Variants in ADAMTS2 observed in about 807,000 individuals in gnomAD.
ADAMTS2 encodes the protein A disintegrin and metalloproteinase with thrombospondin motifs 2.
In ADAMTS2, 50 loss-of-function variants were observed where a neutral mutation model predicts 123.0. The observed-to-expected ratio is 0.41, with a 90% CI of 0.32 to 0.51. The LOEUF (loss-of-function observed/expected upper bound fraction) is 0.51. Ranked by LOEUF, ADAMTS2 falls within the 20% of genes least tolerant of loss-of-function variation. The probability of loss-of-function intolerance (pLI) is 0.35; values close to 1 mark genes in which losing one functional copy is unlikely to be tolerated. For synonymous variants in ADAMTS2, 678 were observed against 695.4 expected (o/e 0.98, Z 0.39); for missense variants, 1,494 against 1,705.2 (o/e 0.88, Z 2.18).
At chr5:179,343,652 G>A in intron 2 of ADAMTS2, 115 bp downstream of exon 2, 1 of 1,388,884 alleles carries the variant, frequency 7.2e-7, no homozygotes, top group Non-Finnish European at 9.8e-7. Flanking sequence ...GCACGGGAAG[G>A]GCGCGGAAAG....
In ADAMTS2 at chr5:179,207,735, T is replaced by G. The variant is rs1210526561; in HGVS notation, c.689-20A>C. On this transcript the variant is annotated intron_variant, in intron 3 of 21. Transcript: ENST00000251582. ...AGGCCCCTGCAAGGAGAGGACACCG[T>G]CTTCAGCGGCAGGGCAAACCCACCC... 6.2e-7 allele frequency: 1 copy of G among 1,606,664 alleles called. No homozygotes were observed. The highest frequency in any genetic ancestry group is 2.2e-5 in the East Asian group (1 of 44,860).
rs1011419172 is a variant in ADAMTS2 at position 179,128,070 on chromosome 5, T to G, written c.2506A>C (p.Ile836Leu). 1.5e-5 allele frequency: 25 copies of G among 1,613,984 alleles called. No homozygotes were observed. Among genetic ancestry groups the G allele is most frequent in the Non-Finnish European group, 2.0e-5 (24 of 1,180,018 alleles). ...TRVSLTYKYM[I>L]HEDSLNVDDN... Reference sequence around the variant, plus strand: ...TCGACATTCAGTGAGTCCTCATGGATCATGTATTTGTACGTCAGTGAGACC... The same window carrying G: ...TCGACATTCAGTGAGTCCTCATGGAGCATGTATTTGTACGTCAGTGAGACC... Residue 836 changes from isoleucine (I) to leucine (L), a missense_variant, in exon 17 of 22, where the codon ATC becomes CTC. Physicochemically the swap from Ile to Leu is conservative, Grantham distance 5 (BLOSUM62 2). Transcript: ENST00000251582. The surrounding 1 kb of genome is among the most constrained non-coding windows in gnomAD (Gnocchi z 4.9).
At chr5:179,328,539 G>C (rs746530826) in intron 2 of ADAMTS2, among the ~76,000 whole-genome samples, 2 of 152,240 alleles carry the variant, frequency 1.3e-5, no homozygotes, top group Non-Finnish European at 2.9e-5. Flanking sequence ...TGGGTATCAA[G>C]TGGTTCGTGG....
chr5:179,152,397 A>ATTCT (rs1396392787), intron 9 of ADAMTS2, 142 bp from the exon 10 acceptor site: 13 of 820,898 alleles, frequency 1.6e-5, no homozygotes, highest in Non-Finnish European at 2.4e-5. Context: ...GGGTGTTGTG[A>ATTCT]TTCTGGGGTG....
chr5:179,325,275 T>A (rs1378342020), intron 2 of ADAMTS2, among the ~76,000 whole-genome samples: 10 of 152,140 alleles, frequency 6.6e-5, no homozygotes, highest in African/African-American at 2.2e-4. Context: ...GCCTGTGCTT[T>A]ACCCTCAAAG....
intron 2 of ADAMTS2, among the ~76,000 whole-genome samples, chr5:179,295,871 G>C (rs1756315671): frequency 6.6e-6 from 1 of 152,226 alleles, no homozygotes; most frequent in Non-Finnish European, 1.5e-5. Context: ...ACCACTAGTG[G>C]GGCCTGTGCT....
In ADAMTS2 at chr5:179,202,616, C is replaced by A. The variant is rs1330713080; in HGVS notation, c.891+4897G>T. The stretch of plus-strand genomic sequence containing the variant: ...ACATATAATAGACGCCCCATAAACA[C>A]CGGCCCCCGTATGAACGGCAGCCAG... On this transcript the variant is annotated intron_variant, in intron 4 of 21. Transcript: ENST00000251582. The surrounding 1 kb of genome is among the most constrained non-coding windows in gnomAD (Gnocchi z 4.0). Among the ~76,000 whole-genome samples, 3 of 152,158 alleles carry A rather than the reference C, an allele frequency of 2.0e-5. No individual in the cohort carries two copies. Among genetic ancestry groups the A allele is most frequent in the African/African-American group, 7.2e-5 (3 of 41,438 alleles).
At chr5:179,276,863 C>A (rs1252798940) in intron 2 of ADAMTS2, among the ~76,000 whole-genome samples, 1 of 152,156 alleles carries the variant, frequency 6.6e-6, no homozygotes, top group Non-Finnish European at 1.5e-5. Context: ...GGCCTGAGGC[C>A]CTGGGGTTAT....
At chr5:179,329,752 G>T (rs563120837) in intron 2 of ADAMTS2, among the ~76,000 whole-genome samples, 2 of 152,316 alleles carry the variant, frequency 1.3e-5, no homozygotes, top group East Asian at 3.9e-4. Context: ...CAAGCTAGCA[G>T]AGGGTTAATG....
Position 179,345,198 on chromosome 5 carries a change from TCGGCGGCGGCGG to T in ADAMTS2, c.119_130del (p.Ala40_Ala43del). On this transcript the variant is annotated inframe_deletion, in exon 1 of 22. Coordinates refer to ENST00000251582, the MANE Select transcript of ADAMTS2 (RefSeq NM_014244.5). The surrounding 1 kb of genome is among the most constrained non-coding windows in gnomAD (Gnocchi z 7.5). ...GGCCGGGCCGCACCTACCTGGGGGG[TCGGCGGCGGCGG>T]CGAGCCTGGCGTTCGCGGGCGGCGG... 1 of 1,108,882 alleles carries T rather than the reference TCGGCGGCGGCGG, an allele frequency of 9.0e-7. No individual in the cohort carries two copies. The highest frequency in any genetic ancestry group is 1.1e-6 in the Non-Finnish European group (1 of 915,454). The allele number at this position is 1,108,882 out of a possible 1,614,324, so 68.7% of individuals were successfully genotyped here. A position where few individuals can be genotyped will look rare whatever the true frequency, so the allele number is the denominator to read the frequency against.
intron 19 of ADAMTS2, among the ~76,000 whole-genome samples, chr5:179,123,567 A>G (rs1762798658): frequency 2.0e-5 from 3 of 152,180 alleles, no homozygotes. Context: ...CAGGGAGTAC[A>G]GGCACACGCC....
In ADAMTS2 at chr5:179,113,968, G is replaced by A; in HGVS notation, c.3535C>T (p.Leu1179=). ...GLEDEVQPPN[L]IPRRPSPYEK... ...TAGGGGCTCGGTCGTCGAGGGATTA[G>A]GTTGGGTGGCTGGACTTCATCTTCC... Residue 1179 remains leucine, a synonymous_variant, in exon 22 of 22, where the codon CTA becomes TTA. Coordinates refer to ENST00000251582, the MANE Select transcript of ADAMTS2 (RefSeq NM_014244.5). The A allele has an allele frequency of 3.1e-6, 5 of 1,614,134 alleles. No individual in the cohort carries two copies. Among genetic ancestry groups the A allele is most frequent in the Non-Finnish European group, 4.2e-6 (5 of 1,180,004 alleles).
intron 3 of ADAMTS2, among the ~76,000 whole-genome samples, chr5:179,231,044 G>A (rs1286939067): frequency 6.6e-6 from 1 of 151,894 alleles, no homozygotes; most frequent in Non-Finnish European, 1.5e-5. Context: ...ACCAAAAGAT[G>A]AGAGGGACCC....
At chr5:179,339,787 A>AC (rs796900421) in intron 2 of ADAMTS2, among the ~76,000 whole-genome samples, 3 of 152,204 alleles carry the variant, frequency 2.0e-5, no homozygotes, top group African/African-American at 7.2e-5. Context: ...GGTGCCCCTC[A>AC]CCCCACTGCA....
At chr5:179,195,094 T>C (rs576646057) in intron 4 of ADAMTS2, among the ~76,000 whole-genome samples, 11 of 152,280 alleles carry the variant, frequency 7.2e-5, no homozygotes, top group African/African-American at 2.4e-4. Context: ...CAGGCACCCT[T>C]CCCTGATGAA....
intron 3 of ADAMTS2, among the ~76,000 whole-genome samples, chr5:179,214,543 A>G (rs1225783345): frequency 6.6e-6 from 1 of 151,748 alleles, no homozygotes; most frequent in Non-Finnish European, 1.5e-5. Context: ...AATAATGCAA[A>G]GATCAAGACT....
At chr5:179,153,332 TG>T (rs1309379562) in intron 9 of ADAMTS2, among the ~76,000 whole-genome samples, 158 bp downstream of exon 9, 3 of 151,208 alleles carry the variant, frequency 2.0e-5, no homozygotes, top group African/African-American at 7.3e-5. Flanking sequence ...GCCTAGGGGG[TG>T]GGGAGTGGTG....
intron 3 of ADAMTS2, among the ~76,000 whole-genome samples, chr5:179,265,337 G>A (rs573192684): frequency 1.0e-3 from 152 of 152,308 alleles, no homozygotes; most frequent in African/African-American, 3.3e-3. Flanking sequence ...GAGAGGTGGC[G>A]GGGGAAGGGC....
chr5:179,263,569 G>A (rs934312931), intron 3 of ADAMTS2, among the ~76,000 whole-genome samples: 5 of 152,250 alleles, frequency 3.3e-5, no homozygotes, highest in Non-Finnish European at 7.3e-5. Flanking sequence ...GATGGGAGGC[G>A]TGGGAGGCGT....
Sources: allele counts gnomAD v4.1 joint callset (sites outside exome capture counted in the v4.1 genomes callset), GRCh38; gene constraint gnomAD v4.1.1; non-coding constraint Gnocchi (gnomAD v3.1); transcripts MANE v1.5; gene names NCBI Gene and HGNC (gene_info 2026-07-23, HGNC 2026-07-21).